The following KATNIP variants were observed in gnomAD, a reference collection of about 807,000 sequenced individuals.
KATNIP encodes katanin interacting protein.
KATNIP carries 126 observed loss-of-function variants against 174.0 expected under a neutral mutation model. That is an observed-to-expected ratio of 0.72 (90% CI 0.63 to 0.84). The LOEUF (loss-of-function observed/expected upper bound fraction) is 0.84, where lower values mean the gene tolerates loss of function less well. KATNIP is among the 40% of genes least tolerant of loss of function. The probability of loss-of-function intolerance (pLI) is 0.00; values close to 1 mark genes in which losing one functional copy is unlikely to be tolerated. For missense variants in KATNIP, 1,958 were observed against 2,109.7 expected (o/e 0.93, Z 1.41); for synonymous variants, 810 against 835.7 (o/e 0.97, Z 0.53).
chr16:27,735,905 G>A (rs2080879319), intron 14 of KATNIP, among the ~76,000 whole-genome samples: 2 of 152,188 alleles, frequency 1.3e-5, no homozygotes, highest in African/African-American at 2.4e-5. Flanking sequence ...CCCACAGGCC[G>A]CCGCTTTTCT....
rs1567399737 is a variant in KATNIP at position 27,751,835 on chromosome 16, G to A, written c.3463G>A (p.Asp1155Asn). 3 of 1,614,182 alleles carry A rather than the reference G, an allele frequency of 1.9e-6. No homozygotes were observed. Among genetic ancestry groups the A allele is most frequent in the South Asian group, 1.1e-5 (1 of 91,078 alleles). Residue 1155 changes from aspartate to asparagine, a missense_variant, in exon 17 of 28, where the codon GAT becomes AAT. By Grantham distance (23) the Asp-to-Asn change is conservative (BLOSUM62 1). Coordinates refer to ENST00000261588, the MANE Select transcript of KATNIP (RefSeq NM_015202.5). Reference sequence around the variant, plus strand: ...TGTGGGGAGCCTGGACAGCCTGCAGGATGAAGAGGCAATGAGGAGGCCCAG... The same window carrying A: ...TGTGGGGAGCCTGGACAGCCTGCAGAATGAAGAGGCAATGAGGAGGCCCAG... ...LDVGSLDSLQ[D>N]EEAMRRPSTA...
intron 2 of KATNIP, among the ~76,000 whole-genome samples, chr16:27,580,885 C>T (rs1343168756): frequency 6.6e-6 from 1 of 151,676 alleles, no homozygotes; most frequent in Non-Finnish European, 1.5e-5. Flanking sequence ...AAAGTTATAC[C>T]ATCCTATAAG....
At chr16:27,761,000 G>A (rs567105686) in intron 18 of KATNIP, among the ~76,000 whole-genome samples, 62 of 152,302 alleles carry the variant, frequency 4.1e-4, no homozygotes, top group Non-Finnish European at 7.6e-4. Context: ...ATATAAATAC[G>A]AGAAACTGAA....
rs1468223379 is a variant in KATNIP, at chr16:27,780,283, G to GA, written c.*1661dup. The GA allele has an allele frequency of 6.6e-6, 1 of 151,806 alleles. No homozygotes were observed. 9.4% of individuals were successfully genotyped at this position (151,806 alleles called of 1,614,324 possible). On this transcript the variant is annotated 3_prime_UTR_variant, in exon 28 of 28. Coordinates refer to ENST00000261588, the MANE Select transcript of KATNIP (RefSeq NM_015202.5). ...GTATGTACTGTGCAATTTAGGAGGG[G>GA]AAAAAAAGGCTGTACAAGCTTTAAC... is the stretch of plus-strand genomic sequence containing the variant.
chr16:27,670,326 G>A (rs1361065661), intron 6 of KATNIP, among the ~76,000 whole-genome samples: 1 of 152,212 alleles, frequency 6.6e-6, no homozygotes, highest in Non-Finnish European at 1.5e-5. Flanking sequence ...TCCCTAATGT[G>A]CATAAATGCC....
chr16:27,593,899 T>C (rs2141881916), intron 2 of KATNIP, among the ~76,000 whole-genome samples: 1 of 152,232 alleles, frequency 6.6e-6, no homozygotes, highest in South Asian at 2.1e-4. Flanking sequence ...CTATGGTTAG[T>C]GGTGGGGTCA....
chr16:27,578,769 G>A (rs1371519864), intron 2 of KATNIP, among the ~76,000 whole-genome samples: 1 of 152,038 alleles, frequency 6.6e-6, no homozygotes, highest in Non-Finnish European at 1.5e-5. Flanking sequence ...GTAGAGATGG[G>A]GTTTCATCAT....
At chr16:27,710,463 T>G (rs1318302970) in intron 13 of KATNIP, among the ~76,000 whole-genome samples, 1 of 152,250 alleles carries the variant, frequency 6.6e-6, no homozygotes, top group Non-Finnish European at 1.5e-5. Flanking sequence ...GACTGTGAGC[T>G]AAACTGAGCC....
chr16:27,653,440 C>T (rs1447433938), intron 6 of KATNIP, among the ~76,000 whole-genome samples: 1 of 151,870 alleles, frequency 6.6e-6, no homozygotes, highest in African/African-American at 2.4e-5. Context: ...CCCAGCCAGA[C>T]TCTGCAGCAC....
At chr16:27,677,166 A>C (rs1239968390) in intron 6 of KATNIP, among the ~76,000 whole-genome samples, 2 of 152,240 alleles carry the variant, frequency 1.3e-5, no homozygotes, top group African/African-American at 4.8e-5. Flanking sequence ...GCTAAATAGT[A>C]TGACATTTAG....
At chr16:27,642,069 G>T (rs944212901) in intron 5 of KATNIP, among the ~76,000 whole-genome samples, 1 of 152,340 alleles carries the variant, frequency 6.6e-6, no homozygotes, top group East Asian at 1.9e-4. Context: ...ATGCTCTCCT[G>T]GGAGGTATGG....
chr16:27,622,233 G>C (rs887050814), intron 3 of KATNIP, among the ~76,000 whole-genome samples: 1 of 152,164 alleles, frequency 6.6e-6, no homozygotes, highest in African/African-American at 2.4e-5. Context: ...CTCCCCAGTA[G>C]TGGCAGGGTG....
intron 1 of KATNIP, among the ~76,000 whole-genome samples, chr16:27,572,748 T>C (rs1391918483): frequency 4.6e-5 from 7 of 152,176 alleles, no homozygotes; most frequent in Admixed American, 4.6e-4. Context: ...GGTATCATTA[T>C]GAGCTGACCA....
At chr16:27,561,667 C>CT (rs1172473581) in intron 1 of KATNIP, among the ~76,000 whole-genome samples, 1 of 152,162 alleles carries the variant, frequency 6.6e-6, no homozygotes, top group Admixed American at 6.5e-5. Context: ...TTTCTAAACT[C>CT]TAAGTGAACC....
chr16:27,655,177 G>GATATAT (rs869205308), intron 6 of KATNIP, among the ~76,000 whole-genome samples: 36 of 38,542 alleles, frequency 9.3e-4, no homozygotes, highest in Non-Finnish European at 1.2e-3. Context: ...CCCTAGAATG[G>GATATAT]ATATATATAT....
intron 2 of KATNIP, among the ~76,000 whole-genome samples, chr16:27,580,917 A>G (rs2090676235): frequency 6.6e-6 from 1 of 152,104 alleles, no homozygotes; most frequent in African/African-American, 2.4e-5. Flanking sequence ...GCACTCTATA[A>G]TCAAATACAT....
rs568581455 is a variant in KATNIP at position 27,657,211 on chromosome 16, T to C, written c.540+8476T>C. On this transcript the variant is annotated intron_variant, in intron 6 of 27. Transcript: ENST00000261588. ...TGCATAAATGGGTCAGGATCAAGAA[T>C]ATGTGTGTACATATTGAGAAGGAAA... 6.6e-4 allele frequency among the ~76,000 whole-genome samples: 101 copies of C among 152,134 alleles called. 1 individual carries two copies. The highest frequency in any genetic ancestry group is 2.4e-3 in the African/African-American group (98 of 41,474).
rs1414294975 is a variant in KATNIP at position 27,576,155 on chromosome 16, G to A, written c.63+2199G>A. Among the ~76,000 whole-genome samples the A allele has an allele frequency of 3.3e-5, 5 of 152,242 alleles. No individual in the cohort carries two copies. In the South Asian group the frequency reaches 6.2e-4, roughly 19 times the overall value. On this transcript the variant is annotated intron_variant, in intron 2 of 27. Transcript: ENST00000261588. The stretch of plus-strand genomic sequence containing the variant: ...TAACTGGGAAACCATGGAGCGGGGC[G>A]GGGGAAACTAGTTGAGATACTCTTC...
chr16:27,574,121 G>GTCACTTGTAATAA (rs548300888), intron 2 of KATNIP, 165 bp downstream of exon 2: 4 of 611,678 alleles, frequency 6.5e-6, no homozygotes, highest in South Asian at 1.9e-5. Context: ...CCAACCCAGT[G>GTCACTTGTAATAA]TCACTTGTAA....
Sources: allele counts gnomAD v4.1 joint callset (sites outside exome capture counted in the v4.1 genomes callset), GRCh38; gene constraint gnomAD v4.1.1; transcripts MANE v1.5; gene names NCBI Gene and HGNC (gene_info 2026-07-23, HGNC 2026-07-21).